Variants in HUNK observed in about 807,000 individuals in gnomAD.
HUNK encodes the protein hormonally up-regulated Neu-associated kinase.
In HUNK, 21 loss-of-function variants were observed where a neutral mutation model predicts 61.0. That is an observed-to-expected ratio of 0.34 (90% CI 0.24 to 0.50). HUNK has a LOEUF of 0.50. HUNK is among the 20% of genes least tolerant of loss of function. The pLI is 0.98. For missense variants in HUNK, 772 were observed against 945.7 expected, an observed-to-expected ratio of 0.82 and a Z score of 2.41; for synonymous variants, 371 against 386.1, an observed-to-expected ratio of 0.96 and a Z score of 0.46.
chr21:31,905,897 T>A (rs946307733), intron 1 of HUNK, among the ~76,000 whole-genome samples: 2 of 152,176 alleles, frequency 1.3e-5, no homozygotes, highest in African/African-American at 4.8e-5. Flanking sequence ...ATTGAGGACC[T>A]CCTGTGAATG....
chr21:31,977,777 G>A (rs1042616720), intron 7 of HUNK, among the ~76,000 whole-genome samples: 2 of 152,192 alleles, frequency 1.3e-5, no homozygotes, highest in Non-Finnish European at 2.9e-5. Context: ...CTGGAGCCTC[G>A]ACTTCCTGGG....
At position 31,924,132 on chromosome 21, in the gene HUNK, C is replaced by G. The variant is rs1308501411; in HGVS notation, c.262-336C>G. ...GAAGAGAAATTGTTATTTCATCTTC[C>G]CATCCTGTAGAAAAATAAATTTGAC... On this transcript the variant is annotated intron_variant, in intron 1 of 10. Transcript: ENST00000270112. The surrounding 1 kb of genome is among the most constrained non-coding windows in gnomAD (Gnocchi z 5.1). 1.3e-5 allele frequency among the ~76,000 whole-genome samples: 2 copies of G among 152,028 alleles called. No homozygotes were observed. The highest frequency in any genetic ancestry group is 1.5e-5 in the Non-Finnish European group (1 of 68,000).
chr21:31,914,395 T>G (rs1442830080), intron 1 of HUNK, among the ~76,000 whole-genome samples: 108 of 95,468 alleles, frequency 1.1e-3, no homozygotes, highest in East Asian at 9.1e-4. Flanking sequence ...GCAACAAGAG[T>G]GAAACTCTGT....
At chr21:31,916,972 G>A (rs59762706) in intron 1 of HUNK, among the ~76,000 whole-genome samples, 3 of 151,970 alleles carry the variant, frequency 2.0e-5, no homozygotes, top group African/African-American at 7.3e-5. Context: ...CACCACACCC[G>A]GCCGGGTTTC....
At chr21:31,962,118 C>T (rs1465451438) in intron 5 of HUNK, among the ~76,000 whole-genome samples, 1 of 152,196 alleles carries the variant, frequency 6.6e-6, no homozygotes, top group Admixed American at 6.5e-5. Context: ...CTTTCGCCAG[C>T]AATTAAATCT....
chr21:31,931,837 T>C (rs2052698734), intron 2 of HUNK, among the ~76,000 whole-genome samples: 1 of 152,150 alleles, frequency 6.6e-6, no homozygotes, highest in Non-Finnish European at 1.5e-5. Flanking sequence ...GGGCATGGTC[T>C]GTGGAGGCCC....
At chr21:31,925,969 T>C (rs990258023) in intron 2 of HUNK, among the ~76,000 whole-genome samples, 1 of 151,960 alleles carries the variant, frequency 6.6e-6, no homozygotes, top group Non-Finnish European at 1.5e-5. Context: ...TCGCCCAGGC[T>C]GGAGTGCAAT....
In HUNK at chr21:31,946,022, A is replaced by G. The variant is rs2052799915; in HGVS notation, c.611-14A>G. 1.3e-6 allele frequency: 2 copies of G among 1,562,674 alleles called. No homozygotes were observed. Among genetic ancestry groups the G allele is most frequent in the Non-Finnish European group, 8.7e-7 (1 of 1,145,534 alleles). The stretch of plus-strand genomic sequence containing the variant: ...TTCTAATTCGGAGCTTGTTTTGTTC[A>G]CCTCTCTTTGCAGACTTTGGTTTGA... On this transcript the variant is annotated splice_polypyrimidine_tract_variant and intron_variant, in intron 3 of 10. Coordinates refer to ENST00000270112, the MANE Select transcript of HUNK (RefSeq NM_014586.2).
At chr21:31,880,920 T>C (rs1250705880) in intron 1 of HUNK, among the ~76,000 whole-genome samples, 2 of 152,248 alleles carry the variant, frequency 1.3e-5, no homozygotes, top group Admixed American at 6.5e-5. Flanking sequence ...CCAAAGCCCC[T>C]GCCCATGCCG....
chr21:31,997,923 T>C (rs1455046229), intron 10 of HUNK, among the ~76,000 whole-genome samples: 1 of 151,988 alleles, frequency 6.6e-6, no homozygotes, highest in Non-Finnish European at 1.5e-5. Context: ...TTTTTTCTTT[T>C]TTTTCTTTTT....
intron 9 of HUNK, 42 bp from the exon 10 acceptor site, chr21:31,995,726 C>T: frequency 6.6e-7 from 1 of 1,515,588 alleles, no homozygotes; most frequent in South Asian, 1.2e-5. Context: ...ATTGTGTCTT[C>T]TAGTATGTGT....
intron 1 of HUNK, among the ~76,000 whole-genome samples, chr21:31,914,952 TC>T (rs1467116329): frequency 1.3e-5 from 2 of 152,168 alleles, no homozygotes; most frequent in African/African-American, 2.4e-5. Context: ...ATCTGAATTA[TC>T]CTCCCCTCCC....
intron 9 of HUNK, among the ~76,000 whole-genome samples, chr21:31,991,737 T>C (rs1308797972): frequency 6.6e-6 from 1 of 152,176 alleles, no homozygotes; most frequent in Non-Finnish European, 1.5e-5. Context: ...GAAAAGCCCA[T>C]GTCGAACTGG....
At chr21:31,978,773 G>A (rs1253549905) in intron 7 of HUNK, among the ~76,000 whole-genome samples, 1 of 152,098 alleles carries the variant, frequency 6.6e-6, no homozygotes, top group Non-Finnish European at 1.5e-5. Context: ...TGTAAATAAT[G>A]CTGCATTGAA....
intron 6 of HUNK, among the ~76,000 whole-genome samples, chr21:31,971,081 A>ATTTATTTATTTATTTATTTATTTAT (rs11423136): frequency 1.3e-5 from 2 of 151,884 alleles, no homozygotes; most frequent in African/African-American, 4.8e-5. Flanking sequence ...TTATTTATTT[A>ATTTATTTATTTATTTATTTATTTAT]TTATTTATTT....
intron 4 of HUNK, among the ~76,000 whole-genome samples, chr21:31,952,464 C>T (rs2052857018): frequency 6.6e-6 from 1 of 152,174 alleles, no homozygotes; most frequent in Admixed American, 6.5e-5. Flanking sequence ...GACCTTCCCT[C>T]CACCTGCCGG....
Position 31,873,147 on chromosome 21 carries a change from C to A in HUNK, c.-528C>A, listed in dbSNP as rs2052226805. ...TCTTCTGCTGCCTTCCAGAGGGCGC[C>A]GGCAGCCCGCCGCGCGCTTCTCTCC... On this transcript the variant is annotated 5_prime_UTR_variant, in exon 1 of 11. Transcript: ENST00000270112. The surrounding 1 kb of genome is among the most constrained non-coding windows in gnomAD (Gnocchi z 6.1). Among the ~76,000 whole-genome samples the A allele has an allele frequency of 6.6e-6, 1 of 152,086 alleles. No individual in the cohort carries two copies. Among genetic ancestry groups the A allele is most frequent in the East Asian group, 1.9e-4 (1 of 5,164 alleles).
Position 32,000,644 on chromosome 21 carries a change from C to G in HUNK, c.*1460C>G, listed in dbSNP as rs1040757786. On this transcript the variant is annotated 3_prime_UTR_variant, in exon 11 of 11. Transcript: ENST00000270112. ...CCAGAGACCACCTCTGTGGCCACCT[C>G]AGATAGTCATCTCAGTCCAAGGATC... is the stretch of plus-strand genomic sequence containing the variant. The G allele has an allele frequency of 2.5e-6, 1 of 399,054 alleles. No individual in the cohort carries two copies. The highest frequency in any genetic ancestry group is 4.4e-6 in the Non-Finnish European group (1 of 226,094). 24.7% of individuals were successfully genotyped at this position (399,054 alleles called of 1,614,324 possible). A position where few individuals can be genotyped will look rare whatever the true frequency, so the allele number is the denominator to read the frequency against.
chr21:31,934,332 A>C (rs1028715999), intron 2 of HUNK, among the ~76,000 whole-genome samples: 10 of 150,958 alleles, frequency 6.6e-5, no homozygotes, highest in Non-Finnish European at 7.4e-5. Flanking sequence ...AGTCCCAGCT[A>C]CTCAGGAGGC....
Sources: gnomAD v4.1 joint callset for allele counts (sites outside exome capture counted in the v4.1 genomes callset) on GRCh38, gnomAD v4.1.1 for gene constraint, Gnocchi (gnomAD v3.1) non-coding constraint, MANE v1.5 for transcripts, NCBI Gene and HGNC (gene_info 2026-07-23, HGNC 2026-07-21) for gene names.